The following ZFAND3 variants were observed in gnomAD, a reference collection of about 807,000 sequenced individuals.
ZFAND3 encodes the protein AN1-type zinc finger protein 3.
ZFAND3 carries 10 observed loss-of-function variants against 29.6 expected under a neutral mutation model. The ratio of observed to expected loss-of-function variants is 0.34; its 90% CI spans 0.21 to 0.57. The LOEUF (loss-of-function observed/expected upper bound fraction) is 0.57. ZFAND3 is among the 20% of genes least tolerant of loss of function. The pLI, the probability that ZFAND3 is intolerant of heterozygous loss-of-function variation, is 0.86. For missense variants in ZFAND3, 230 were observed against 304.5 expected, an observed-to-expected ratio of 0.76 and a Z score of 1.82; for synonymous variants, 128 against 112.6, an observed-to-expected ratio of 1.14 and a Z score of -0.87.
chr6:38,026,304 A>G (rs1175175425), intron 2 of ZFAND3, among the ~76,000 whole-genome samples: 1 of 151,948 alleles, frequency 6.6e-6, no homozygotes, highest in Admixed American at 6.6e-5. Context: ...CGTCTGTTTT[A>G]GCACTGTGAT....
At position 38,010,904 on chromosome 6, in the gene ZFAND3, CT is replaced by C. The variant is rs35362297; in HGVS notation, c.113-50669del. On this transcript the variant is annotated intron_variant, in intron 2 of 5. Transcript: ENST00000287218. Reference sequence around the variant, plus strand: ...GTTTGAGCCACTGCGCCCGGCCCAACTTTTTTTTTTTTTTTTTTTTAAAGAG... The same window carrying C: ...GTTTGAGCCACTGCGCCCGGCCCAACTTTTTTTTTTTTTTTTTTTAAAGAG... 4.3e-3 allele frequency among the ~76,000 whole-genome samples: 559 copies of C among 131,066 alleles called. 1 individual carries two copies. The highest frequency in any genetic ancestry group is 0.012 in the Middle Eastern group (3 of 254). 86.0% of individuals were successfully genotyped at this position (131,066 alleles called of 152,430 possible). A position where few individuals can be genotyped will look rare whatever the true frequency, so the allele number is the denominator to read the frequency against.
chr6:38,117,393 G>A (rs1347506255), intron 5 of ZFAND3, among the ~76,000 whole-genome samples: 1 of 149,202 alleles, frequency 6.7e-6, no homozygotes, highest in Non-Finnish European at 1.5e-5. Context: ...TCTGTATTCT[G>A]TAGTGTAATA....
At chr6:37,833,686 C>T (rs1352167853) in intron 1 of ZFAND3, among the ~76,000 whole-genome samples, 4 of 151,752 alleles carry the variant, frequency 2.6e-5, no homozygotes, top group Non-Finnish European at 5.9e-5. Context: ...ATTAGCTGGG[C>T]GTGGTGGCGA....
At chr6:37,850,090 G>T (rs1390240125) in intron 1 of ZFAND3, among the ~76,000 whole-genome samples, 2 of 152,208 alleles carry the variant, frequency 1.3e-5, no homozygotes, top group African/African-American at 4.8e-5. Flanking sequence ...CACAGCCCTA[G>T]TAGGTTTATT....
At chr6:37,969,021 C>T (rs1166345959) in intron 2 of ZFAND3, among the ~76,000 whole-genome samples, 2 of 152,190 alleles carry the variant, frequency 1.3e-5, no homozygotes, top group Non-Finnish European at 2.9e-5. Flanking sequence ...GTGTAGCCTA[C>T]TACACACCTA....
intron 2 of ZFAND3, among the ~76,000 whole-genome samples, chr6:37,947,676 C>T (rs1650035328): frequency 6.6e-6 from 1 of 152,094 alleles, no homozygotes; most frequent in Non-Finnish European, 1.5e-5. Context: ...TTATACTTCT[C>T]CATATTTATG....
At chr6:37,856,667 A>T (rs1764389282) in intron 1 of ZFAND3, among the ~76,000 whole-genome samples, 1 of 152,184 alleles carries the variant, frequency 6.6e-6, no homozygotes, top group African/African-American at 2.4e-5. Flanking sequence ...TACTGTGCCT[A>T]ATACCTTTGT....
intron 2 of ZFAND3, among the ~76,000 whole-genome samples, chr6:38,040,926 T>C (rs1203485423): frequency 2.6e-5 from 4 of 152,240 alleles, no homozygotes; most frequent in African/African-American, 2.4e-5. Context: ...CTCAGTAATA[T>C]CCTTTTTAAA....
chr6:37,820,098 G>C lies in ZFAND3; in HGVS notation c.71+82G>C, dbSNP rs1763634051. On this transcript the variant is annotated intron_variant, in intron 1 of 5. Coordinates refer to ENST00000287218, the MANE Select transcript of ZFAND3 (RefSeq NM_021943.3). ...GCAGCCTGGGCAGGCCTCGGGGCCCGGGAGGCCGGAACCTTGGAGGCTGGG... is the reference window on the plus strand; with the variant it reads ...GCAGCCTGGGCAGGCCTCGGGGCCCCGGAGGCCGGAACCTTGGAGGCTGGG... 9.7e-6 allele frequency: 11 copies of C among 1,133,448 alleles called. No individual in the cohort carries two copies. The South Asian group carries it at 1.7e-4, about 18-fold the overall frequency. 70.2% of individuals were successfully genotyped at this position (1,133,448 alleles called of 1,614,324 possible).
At chr6:38,105,769 T>A (rs1230656219) in intron 4 of ZFAND3, among the ~76,000 whole-genome samples, 1 of 152,160 alleles carries the variant, frequency 6.6e-6, no homozygotes, top group African/African-American at 2.4e-5. Context: ...GAACCTACAG[T>A]TACCTCAAAA....
intron 1 of ZFAND3, among the ~76,000 whole-genome samples, chr6:37,897,188 G>T (rs1765235902): frequency 6.6e-6 from 1 of 152,050 alleles, no homozygotes; most frequent in Non-Finnish European, 1.5e-5. Context: ...GCTCCTTCTT[G>T]CCCTCTTCTA....
intron 1 of ZFAND3, among the ~76,000 whole-genome samples, chr6:37,890,382 G>A (rs1427273316): frequency 6.6e-6 from 1 of 152,168 alleles, no homozygotes; most frequent in Non-Finnish European, 1.5e-5. Flanking sequence ...AGAGATTGCA[G>A]GTTGAATGGA....
chr6:37,821,571 T>C (rs2127362780), intron 1 of ZFAND3, among the ~76,000 whole-genome samples: 1 of 152,312 alleles, frequency 6.6e-6, no homozygotes, highest in Admixed American at 6.5e-5. Flanking sequence ...GTGAGCTCTT[T>C]AGAGTGCGTA....
At chr6:37,956,989 C>T (rs532193147) in intron 2 of ZFAND3, among the ~76,000 whole-genome samples, 2 of 152,242 alleles carry the variant, frequency 1.3e-5, no homozygotes, top group East Asian at 1.9e-4. Context: ...CTTCACATCT[C>T]GCTGAGTTTC....
intron 1 of ZFAND3, among the ~76,000 whole-genome samples, chr6:37,834,652 A>G (rs753660364): frequency 6.6e-6 from 1 of 152,102 alleles, no homozygotes; most frequent in Non-Finnish European, 1.5e-5. Context: ...TATCCTTGTC[A>G]GCATTTGGTG....
intron 2 of ZFAND3, among the ~76,000 whole-genome samples, chr6:38,010,985 C>T (rs71571303): frequency 0.014 from 2,104 of 150,916 alleles, 25 homozygotes; most frequent in Middle Eastern, 0.034. Flanking sequence ...CCCAAGTGAT[C>T]CTCGCACCTC....
intron 1 of ZFAND3, among the ~76,000 whole-genome samples, chr6:37,849,293 C>T (rs1764239045): frequency 6.6e-6 from 1 of 152,100 alleles, no homozygotes; most frequent in Admixed American, 6.6e-5. Flanking sequence ...TTGACTTTTT[C>T]CCCTCTCTTC....
chr6:38,055,171 A>G (rs948667937), intron 2 of ZFAND3, among the ~76,000 whole-genome samples: 2 of 152,054 alleles, frequency 1.3e-5, no homozygotes, highest in African/African-American at 4.8e-5. Context: ...AGAAACAAAA[A>G]CCCCTGGCAA....
chr6:37,882,135 C>G (rs920089723), intron 1 of ZFAND3, among the ~76,000 whole-genome samples: 1 of 152,144 alleles, frequency 6.6e-6, no homozygotes, highest in Non-Finnish European at 1.5e-5. Context: ...GGCCATGTTG[C>G]TGGAGTGGGA....
Sources: allele counts gnomAD v4.1 joint callset (sites outside exome capture counted in the v4.1 genomes callset), GRCh38; gene constraint gnomAD v4.1.1; transcripts MANE v1.5; gene names NCBI Gene and HGNC (gene_info 2026-07-23, HGNC 2026-07-21).